The following KIF19 variants were observed in gnomAD, a reference collection of about 807,000 sequenced individuals.
The protein encoded by KIF19 is kinesin-like protein KIF19.
A neutral mutation model predicts 106.6 loss-of-function variants in KIF19; 98 were observed. The ratio of observed to expected loss-of-function variants is 0.92; its 90% confidence interval spans 0.78 to 1.09. The LOEUF (loss-of-function observed/expected upper bound fraction) is 1.09. Ranked by LOEUF, KIF19 falls within the 50% of genes least tolerant of loss-of-function variation. KIF19 has a pLI of 0.00. For synonymous variants in KIF19, 516 were observed against 584.2 expected (o/e 0.88, Z 1.68); for missense variants, 1,373 against 1,414.3 (o/e 0.97, Z 0.47).
At chr17:74,351,844 A>G (rs1213456251) in intron 12 of KIF19, 23 bp from the exon 13 acceptor site, 2 of 1,377,554 alleles carry the variant, frequency 1.5e-6, no homozygotes, top group East Asian at 3.0e-5. Context: ...CCGCTGCCAG[A>G]TGCTGACCTG....
At chr17:74,328,305 T>C in intron 1 of KIF19, 120 bp from the exon 2 acceptor site, 1 of 828,116 alleles carries the variant, frequency 1.2e-6, no homozygotes, top group Non-Finnish European at 1.9e-6. Context: ...GAGTTTTACT[T>C]AGGACAAGGG....
At position 74,354,457 on chromosome 17, in the gene KIF19, G is replaced by A; in HGVS notation, c.2604G>A (p.Trp868Ter). The change falls in exon 18 of 20, where the codon TGG (tryptophan) becomes TGA (stop). Residue 868 changes from tryptophan (W) to a stop codon, truncating the protein, a stop_gained. Transcript: ENST00000389916. LOFTEE classifies it high-confidence loss of function. ...VGHHGDGPRP[W>*]LRGQKKSLGK... The stretch of plus-strand genomic sequence containing the variant: ...ATCATGGGGACGGCCCCAGGCCCTG[G>A]CTGCGTGGCCAGAAGAAAAGCCTGG... The A allele has an allele frequency of 2.5e-6, 4 of 1,610,032 alleles. No individual in the cohort carries two copies. The highest frequency in any genetic ancestry group is 2.5e-6 in the Non-Finnish European group (3 of 1,178,660).
Position 74,355,183 on chromosome 17 carries a change from C to A in KIF19, c.2868C>A (p.Gly956=). Residue 956 remains glycine (G), a splice_region_variant and synonymous_variant, in exon 20 of 20, where the codon GGC becomes GGA. Coordinates refer to ENST00000389916, the MANE Select transcript of KIF19 (RefSeq NM_153209.4). The stretch of plus-strand genomic sequence containing the variant: ...ATCCTGCCCCTTTCCCTGTTGCAGG[C>A]CCGGGGGACTCCTCACCCCTGGCTG... ...KVKLPPSQNT[G]PGDSSPLAVP... is the part of the protein sequence containing the mutation. 1 of 1,596,794 alleles carries A rather than the reference C, an allele frequency of 6.3e-7. No homozygotes were observed. The highest frequency in any genetic ancestry group is 8.5e-7 in the Non-Finnish European group (1 of 1,170,258).
chr17:74,326,269 G>T lies in KIF19; in HGVS notation c.-81G>T. The T allele has an allele frequency of 7.4e-7, 1 of 1,349,356 alleles. No homozygotes were observed. The highest frequency in any genetic ancestry group is 1.0e-6 in the Non-Finnish European group (1 of 987,088). The allele number at this position is 1,349,356 out of a possible 1,614,324, so 83.6% of individuals were successfully genotyped here. On this transcript the variant is annotated 5_prime_UTR_variant, in exon 1 of 20. Coordinates refer to ENST00000389916, the MANE Select transcript of KIF19 (RefSeq NM_153209.4). ...CGAGGCGGCGGGCAGCTAGCAGCTG[G>T]CGGACGCGACCCGGAGGCGGTGGGG...
rs376561716 is a variant in KIF19, at chr17:74,341,864, G to A, written c.121-12G>A. 5.9e-4 allele frequency: 945 copies of A among 1,608,726 alleles called. 8 individuals are homozygous for A. In the South Asian group the frequency reaches 0.01, roughly 17 times the overall value. On this transcript the variant is annotated splice_polypyrimidine_tract_variant and intron_variant, in intron 2 of 19. Coordinates refer to ENST00000389916, the MANE Select transcript of KIF19 (RefSeq NM_153209.4). ...CCAGGTGACCGTGGGCCTCCCTCTG[G>A]GGACCTTGCAGATGGTGGTTCTCAT...
rs1331033356 is a variant in KIF19, at chr17:74,342,674, C to T, written c.276C>T (p.Val92=). The T allele has an allele frequency of 6.2e-7, 1 of 1,613,642 alleles. No homozygotes were observed. Among genetic ancestry groups the T allele is most frequent in the Non-Finnish European group, 8.5e-7 (1 of 1,179,856 alleles). The change falls in exon 4 of 20, where the codon GTC becomes GTT. Residue 92 remains valine, a synonymous_variant. Transcript: ENST00000389916. ...QATTKSLIEG[V]ISGYNATVFA... is the part of the protein sequence containing the mutation. ...CCACCAAGAGCCTCATCGAGGGCGT[C>T]ATCTCAGGCTACAATGCCACTGTCT...
intron 2 of KIF19, among the ~76,000 whole-genome samples, chr17:74,332,525 T>C (rs1012456906): frequency 1.3e-5 from 2 of 152,124 alleles, no homozygotes; most frequent in African/African-American, 4.8e-5. Context: ...GCTGTTTGTC[T>C]GCAGGAGTTA....
At chr17:74,328,970 T>G (rs2053996001) in intron 2 of KIF19, 1 of 154,618 alleles carries the variant, frequency 6.5e-6, no homozygotes, top group African/African-American at 2.4e-5. Context: ...TGCTGGGTAC[T>G]GTTCTAGAAA....
chr17:74,350,596 C>G (rs2054671574), intron 11 of KIF19, 21 bp downstream of exon 11: 1 of 1,611,716 alleles, frequency 6.2e-7, no homozygotes, highest in Non-Finnish European at 8.5e-7. Context: ...CTCCCAGGAC[C>G]CTCCAGGCCC....
Position 74,331,385 on chromosome 17 carries a change from G to A in KIF19, c.120+2880G>A, listed in dbSNP as rs9903824. Reference sequence around the variant, plus strand: ...AGGTGGACCGGGGACACAGTAACCCGCTGGGCTGGGCCACCGTGAGGGGTC... The same window carrying A: ...AGGTGGACCGGGGACACAGTAACCCACTGGGCTGGGCCACCGTGAGGGGTC... On this transcript the variant is annotated intron_variant, in intron 2 of 19. Transcript: ENST00000389916. The surrounding 1 kb of genome is among the most constrained non-coding windows in gnomAD (Gnocchi z 4.1). 4.1e-3 allele frequency among the ~76,000 whole-genome samples: 622 copies of A among 152,132 alleles called. 4 individuals carry two copies. The highest frequency in any genetic ancestry group is 0.014 in the African/African-American group (601 of 41,486).
chr17:74,354,207 C>T lies in KIF19; in HGVS notation c.2354C>T (p.Ala785Val). 6.2e-7 allele frequency: 1 copy of T among 1,609,090 alleles called. No individual in the cohort carries two copies. ...GGCACCAAGTGCATCTGGGTGAAGG[C>T]CGCCCGGCGGCGCTCGCGGGCCCTG... is the stretch of plus-strand genomic sequence containing the variant. Reference protein sequence around the residue: ...LTGTKCIWVKAARRRSRALGT... With the variant: ...LTGTKCIWVKVARRRSRALGT... Residue 785 changes from alanine to valine, a missense_variant, in exon 18 of 20, where the codon GCC becomes GTC. Ala to Val is a moderately conservative substitution (Grantham distance 64). Coordinates refer to ENST00000389916, the MANE Select transcript of KIF19 (RefSeq NM_153209.4).
chr17:74,328,664 TG>T (rs1238844275), intron 2 of KIF19, 159 bp downstream of exon 2: 2 of 595,796 alleles, frequency 3.4e-6, no homozygotes, highest in Admixed American at 6.2e-5. Context: ...CCAAGGAAGC[TG>T]GGGGCTCTTC....
rs1349843247 is a variant in KIF19, at chr17:74,354,279, G to T, written c.2426G>T (p.Ser809Ile). 1.4e-5 allele frequency: 22 copies of T among 1,608,708 alleles called. No homozygotes were observed. Among genetic ancestry groups the T allele is most frequent in the Non-Finnish European group, 1.8e-5 (21 of 1,179,280 alleles). The change falls in exon 18 of 20, where the codon AGC (serine) becomes ATC (isoleucine). Residue 809 changes from serine to isoleucine, a missense_variant. Physicochemically the swap from Ser to Ile is moderately radical, Grantham distance 142. Coordinates refer to ENST00000389916, the MANE Select transcript of KIF19 (RefSeq NM_153209.4). ...CTGGCACCCGCGACAGAGCGCAGCA[G>T]CCTGTCCCTGCACTCACTGAGCGAG... ...HLLAPATERS[S>I]LSLHSLSEGD... is the part of the protein sequence containing the mutation.
chr17:74,351,825 C>A, intron 12 of KIF19, 42 bp from the exon 13 acceptor site: 1 of 1,370,038 alleles, frequency 7.3e-7, no homozygotes, highest in South Asian at 1.7e-5. Flanking sequence ...GCGGATCGGA[C>A]CCCTCTCCCC....
At chr17:74,334,863 G>T (rs1025545049) in intron 2 of KIF19, among the ~76,000 whole-genome samples, 1 of 152,224 alleles carries the variant, frequency 6.6e-6, no homozygotes, top group East Asian at 1.9e-4. Flanking sequence ...TCCCTGGGCT[G>T]CAGATAAAGC....
At chr17:74,329,608 C>G (rs1207135587) in intron 2 of KIF19, 3 of 151,988 alleles carry the variant, frequency 2.0e-5, no homozygotes, top group Non-Finnish European at 4.4e-5. Context: ...TGGGATGCAA[C>G]TGGGTAGCTG....
intron 2 of KIF19, among the ~76,000 whole-genome samples, chr17:74,341,031 G>A (rs1474933069): frequency 2.6e-5 from 4 of 152,198 alleles, no homozygotes; most frequent in African/African-American, 4.8e-5. Flanking sequence ...GGTCATGGCT[G>A]GGGTTAAAAG....
chr17:74,353,147 G>A (rs377501383), intron 15 of KIF19, 49 bp from the exon 16 acceptor site: 29 of 1,499,292 alleles, frequency 1.9e-5, no homozygotes, highest in East Asian at 9.7e-5. Context: ...GTGGGACCTC[G>A]GTGAGATAGC....
chr17:74,349,101 G>C, intron 9 of KIF19, 83 bp from the exon 10 acceptor site: 1 of 1,442,700 alleles, frequency 6.9e-7, no homozygotes, highest in Non-Finnish European at 9.6e-7. Flanking sequence ...GGGAGGCAGG[G>C]GGAAGAAAGG....
Sources: allele counts gnomAD v4.1 joint callset (sites outside exome capture counted in the v4.1 genomes callset), GRCh38; gene constraint gnomAD v4.1.1; non-coding constraint Gnocchi (gnomAD v3.1); transcripts MANE v1.5; gene names NCBI Gene and HGNC (gene_info 2026-07-23, HGNC 2026-07-21).